BRD2: variants seen among roughly 807,000 people sequenced by gnomAD.
The protein encoded by BRD2 is bromodomain containing 2, also known as bromodomain-containing protein 2.
In BRD2, 15 loss-of-function variants were observed where a neutral mutation model predicts 79.1. The ratio of observed to expected loss-of-function variants is 0.19; its 90% CI spans 0.13 to 0.29. The LOEUF (loss-of-function observed/expected upper bound fraction) is 0.29, where lower values mean the gene tolerates loss of function less well. BRD2 is among the 10% of genes least tolerant of loss of function. BRD2 has a pLI of 1.00. For missense variants in BRD2, 1,053 were observed against 991.3 expected, an observed-to-expected ratio of 1.06 and a Z score of -0.84; for synonymous variants, 488 against 358.6, an observed-to-expected ratio of 1.36 and a Z score of -4.08.
rs768728850 is a variant in BRD2, at chr6:32,978,119, C to G, written c.1579-7C>G. 6.3e-7 allele frequency: 1 copy of G among 1,589,228 alleles called. No individual in the cohort carries two copies. Among genetic ancestry groups the G allele is most frequent in the South Asian group, 1.1e-5 (1 of 87,004 alleles). ...ACTTTTTCCACTTCATGTTTTTTTT[C>G]CTTTAGCTTCGGGCAGTACATGAAC... On this transcript the variant is annotated splice_region_variant and splice_polypyrimidine_tract_variant and intron_variant, in intron 9 of 12. Transcript: ENST00000374825.
At position 32,978,241 on chromosome 6, in the gene BRD2, G is replaced by A. The variant is rs774951145; in HGVS notation, c.1694G>A (p.Gly565Asp). 4 of 1,612,928 alleles carry A rather than the reference G, an allele frequency of 2.5e-6. No individual in the cohort carries two copies. Among genetic ancestry groups the A allele is most frequent in the South Asian group, 2.2e-5 (2 of 91,086 alleles). The change falls in exon 10 of 13, where the codon GGC becomes GAC. Residue 565 changes from glycine (G) to aspartate (D), a missense_variant. By Grantham distance (94) the Gly-to-Asp change is moderately conservative. Coordinates refer to ENST00000374825, the MANE Select transcript of BRD2 (RefSeq NM_005104.4). ...KKKRKAEKHRGRAGADEDDKG... is the reference protein window; with the variant it reads ...KKKRKAEKHRDRAGADEDDKG... ...AAACGGAAGGCAGAGAAGCATCGAG[G>A]CCGAGCTGGGGCCGATGAAGATGAC...
chr6:32,979,687 G>T (rs114829635), intron 10 of BRD2, 141 bp from the exon 11 acceptor site: 9,741 of 940,800 alleles, frequency 0.01, 91 homozygotes, highest in African/African-American at 0.035. Flanking sequence ...TGTCCCAGTA[G>T]CCCACCTCTT....
rs377283258 is a variant in BRD2 at position 32,979,814 on chromosome 6, C to G, written c.1842-14C>G. On this transcript the variant is annotated splice_polypyrimidine_tract_variant and intron_variant, in intron 10 of 12. Coordinates refer to ENST00000374825, the MANE Select transcript of BRD2 (RefSeq NM_005104.4). ...AATGAAGCTTCTTTTGCTGACAACTCTTTTTGCCCTTAGGCTCCCCAAAAA... is the reference window on the plus strand; with the variant it reads ...AATGAAGCTTCTTTTGCTGACAACTGTTTTTGCCCTTAGGCTCCCCAAAAA... The G allele has an allele frequency of 2.7e-5, 43 of 1,605,318 alleles. No individual in the cohort carries two copies. The highest frequency in any genetic ancestry group is 2.5e-4 in the African/African-American group (19 of 74,600).
rs191209130 is a variant in BRD2 at position 32,981,232 on chromosome 6, G to C, written c.*514G>C. On this transcript the variant is annotated 3_prime_UTR_variant, in exon 13 of 13. Coordinates refer to ENST00000374825, the MANE Select transcript of BRD2 (RefSeq NM_005104.4). ...CTTCCGCTCCATTTGGGGCCCTGGGGGTTTCAGTCATCTCCCCATTTGGTC... is the reference window on the plus strand; with the variant it reads ...CTTCCGCTCCATTTGGGGCCCTGGGCGTTTCAGTCATCTCCCCATTTGGTC... The C allele has an allele frequency of 3.9e-5, 6 of 154,070 alleles. No homozygotes were observed. In the East Asian group the frequency reaches 1.2e-3, roughly 30 times the overall value. 9.5% of individuals were successfully genotyped at this position (154,070 alleles called of 1,614,324 possible).
At chr6:32,970,761 C>T (rs1193724834) in intron 1 of BRD2, 1 of 152,068 alleles carries the variant, frequency 6.6e-6, no homozygotes, top group African/African-American at 2.4e-5. Flanking sequence ...AGTCTGCACC[C>T]TTATTTAGAT....
chr6:32,975,562 C>T (rs778584089), intron 4 of BRD2, 41 bp downstream of exon 4: 1 of 1,601,324 alleles, frequency 6.2e-7, no homozygotes, highest in African/African-American at 1.3e-5. Context: ...TGGGGAGAAA[C>T]AGTAACTTCT....
At position 32,971,595 on chromosome 6, in the gene BRD2, A is replaced by T; in HGVS notation, c.-1304A>T. 1 of 452,790 alleles carries T rather than the reference A, an allele frequency of 2.2e-6. No individual in the cohort carries two copies. The highest frequency in any genetic ancestry group is 4.6e-5 in the South Asian group (1 of 21,688). 28.0% of individuals were successfully genotyped at this position (452,790 alleles called of 1,614,324 possible). On this transcript the variant is annotated splice_region_variant and 5_prime_UTR_variant, in exon 2 of 13. Transcript: ENST00000374825. ...GATGGCGTCTTTTTCCTCGTTTCAGATTCTTCGCTGCTGCTGCCTTACCGC... is the reference window on the plus strand; with the variant it reads ...GATGGCGTCTTTTTCCTCGTTTCAGTTTCTTCGCTGCTGCTGCCTTACCGC...
In BRD2 at chr6:32,969,579, G is replaced by A. The variant is rs369598920; in HGVS notation, c.-1305+523G>A. ...GTAGGGGAGCTCCAGTCGTCACACC[G>A]CAGGCTGGAGGTTACGCTTCGAGTC... On this transcript the variant is annotated intron_variant, in intron 1 of 12. Coordinates refer to ENST00000374825, the MANE Select transcript of BRD2 (RefSeq NM_005104.4). 2.4e-3 allele frequency among the ~76,000 whole-genome samples: 371 copies of A among 152,340 alleles called. 2 individuals are homozygous for A. The highest frequency in any genetic ancestry group is 4.0e-3 in the Non-Finnish European group (269 of 68,024).
rs777728830 is a variant in BRD2 at position 32,976,707 on chromosome 6, T to C, written c.971T>C (p.Ile324Thr). 6.2e-7 allele frequency: 1 copy of C among 1,612,844 alleles called. No homozygotes were observed. Among genetic ancestry groups the C allele is most frequent in the African/African-American group, 1.3e-5 (1 of 74,906 alleles). The change falls in exon 7 of 13, where the codon ATC (isoleucine) becomes ACC (threonine). Residue 324 changes from isoleucine (I) to threonine (T), a missense_variant. Coordinates refer to ENST00000374825, the MANE Select transcript of BRD2 (RefSeq NM_005104.4). Reference protein sequence around the residue: ...PPMRRESGRPIKPPRKDLPDS... With the variant: ...PPMRRESGRPTKPPRKDLPDS... ...ATGCGTAGAGAGAGTGGTCGCCCCA[T>C]CAAGCCCCCACGCAAAGACTTGCCT... is the stretch of plus-strand genomic sequence containing the variant.
At chr6:32,977,368 T>C in intron 7 of BRD2, 74 bp from the exon 8 acceptor site, 1 of 1,611,712 alleles carries the variant, frequency 6.2e-7, no homozygotes, top group Non-Finnish European at 8.5e-7. Flanking sequence ...GGGCTCTTCT[T>C]GTGGTGTCTG....
At chr6:32,971,055 G>A (rs1164378794) in intron 1 of BRD2, 1 of 152,254 alleles carries the variant, frequency 6.6e-6, no homozygotes, top group Non-Finnish European at 1.5e-5. Flanking sequence ...GGCGGATACG[G>A]GTGTGCCTTT....
At position 32,979,644 on chromosome 6, in the gene BRD2, C is replaced by T. The variant is rs745388736; in HGVS notation, c.1842-184C>T. On this transcript the variant is annotated intron_variant, in intron 10 of 12. Transcript: ENST00000374825. The stretch of plus-strand genomic sequence containing the variant: ...TTAAAGACATGTTATTGCCTACTTA[C>T]AGTCGAGCAAAATGCTCTGTTTCAC... The T allele has an allele frequency of 2.0e-5, 8 of 402,216 alleles. No individual in the cohort carries two copies. The South Asian group carries it at 3.2e-4, about 16-fold the overall frequency. The allele number at this position is 402,216 out of a possible 1,614,324, so 24.9% of individuals were successfully genotyped here.
intron 10 of BRD2, 95 bp downstream of exon 10, chr6:32,978,483 T>TA (rs1779078888): frequency 1.3e-6 from 2 of 1,530,398 alleles, no homozygotes; most frequent in African/African-American, 1.4e-5. Context: ...AATGGCCAGT[T>TA]AACAGATACA....
rs748460899 is a variant in BRD2 at position 32,980,567 on chromosome 6, G to T, written c.2270-15G>T. On this transcript the variant is annotated splice_polypyrimidine_tract_variant and intron_variant, in intron 12 of 12. Transcript: ENST00000374825. ...TCAGACTTGAACGTCTTTAACTTTC[G>T]AATTTGTTCTGCAGCGAATGAGAAA... 3 of 1,612,962 alleles carry T rather than the reference G, an allele frequency of 1.9e-6. No individual in the cohort carries two copies. In the South Asian group the frequency reaches 3.3e-5, roughly 18 times the overall value.
rs1582930309 is a variant in BRD2, at chr6:32,979,885, A to G, written c.1899A>G (p.Ser633=). 5.0e-6 allele frequency: 8 copies of G among 1,613,030 alleles called. No homozygotes were observed. The highest frequency in any genetic ancestry group is 1.6e-4 in the Middle Eastern group (1 of 6,080). ...CTGCCCTGCCTACAGGTTATGATTC[A>G]GAGGAGGAGGAAGAGAGCAGGCCCA... The part of the protein sequence containing the change: ...APPALPTGYD[S]EEEEESRPMS... Residue 633 remains serine, a synonymous_variant, in exon 11 of 13, where the codon TCA becomes TCG. Coordinates refer to ENST00000374825, the MANE Select transcript of BRD2 (RefSeq NM_005104.4).
chr6:32,976,980 G>T, intron 7 of BRD2, 44 bp downstream of exon 7: 5 of 1,558,428 alleles, frequency 3.2e-6, no homozygotes, highest in Non-Finnish European at 4.3e-6. Flanking sequence ...GCAGTGATGG[G>T]AGCCTAGGTG....
Position 32,974,722 on chromosome 6 carries a change from G to A in BRD2, c.290G>A (p.Trp97Ter). 1 of 1,614,128 alleles carries A rather than the reference G, an allele frequency of 6.2e-7. No individual in the cohort carries two copies. ...MKALWKHQFA[W>*]PFRQPVDAVK... ...GCTCTGTGGAAACATCAGTTCGCAT[G>A]GCCATTCCGGCAGCCTGTGGATGCT... The change falls in exon 3 of 13, where the codon TGG (tryptophan) becomes TAG (stop). Residue 97 changes from tryptophan (W) to a stop codon, truncating the protein, a stop_gained. Transcript: ENST00000374825. LOFTEE classifies it high-confidence loss of function.
chr6:32,971,643 G>A lies in BRD2; in HGVS notation c.-1256G>A, dbSNP rs1777992102. 1 of 428,552 alleles carries A rather than the reference G, an allele frequency of 2.3e-6. No homozygotes were observed. The highest frequency in any genetic ancestry group is 5.8e-5 in the South Asian group (1 of 17,364). The allele number at this position is 428,552 out of a possible 1,614,324, so 26.5% of individuals were successfully genotyped here. A position where few individuals can be genotyped will look rare whatever the true frequency, so the allele number is the denominator to read the frequency against. On this transcript the variant is annotated 5_prime_UTR_variant, in exon 2 of 13. Coordinates refer to ENST00000374825, the MANE Select transcript of BRD2 (RefSeq NM_005104.4). ...CGCCGAGAACCACCACCCGCCAGGC[G>A]TCTTGCGGCCACACCCCTGGCGGGT...
At position 32,981,248 on chromosome 6, in the gene BRD2, C is replaced by G. The variant is rs1247091128; in HGVS notation, c.*530C>G. 1 of 153,650 alleles carries G rather than the reference C, an allele frequency of 6.5e-6. No individual in the cohort carries two copies. Among genetic ancestry groups the G allele is most frequent in the African/African-American group, 2.4e-5 (1 of 41,376 alleles). 9.5% of individuals were successfully genotyped at this position (153,650 alleles called of 1,614,324 possible). A position where few individuals can be genotyped will look rare whatever the true frequency, so the allele number is the denominator to read the frequency against. On this transcript the variant is annotated 3_prime_UTR_variant, in exon 13 of 13. Transcript: ENST00000374825. ...GGCCCTGGGGGTTTCAGTCATCTCC[C>G]CATTTGGTCCCCTGGACTGTCTTTG...
Sources: gnomAD v4.1 joint callset for allele counts (sites outside exome capture counted in the v4.1 genomes callset) on GRCh38, gnomAD v4.1.1 for gene constraint, MANE v1.5 for transcripts, NCBI Gene and HGNC (gene_info 2026-07-23, HGNC 2026-07-21) for gene names.